The following ADCY2 variants were observed in gnomAD, a reference collection of about 807,000 sequenced individuals.
The protein encoded by ADCY2 is adenylate cyclase 2, also known as adenylate cyclase type 2.
A neutral mutation model predicts 125.2 loss-of-function variants in ADCY2; 31 were observed. The ratio of observed to expected loss-of-function variants is 0.25; its 90% CI spans 0.19 to 0.33. The LOEUF is 0.33. Ranked by LOEUF, ADCY2 falls within the 10% of genes least tolerant of loss-of-function variation. ADCY2 has a pLI of 1.00. For synonymous variants in ADCY2, 512 were observed against 548.4 expected, an observed-to-expected ratio of 0.93 and a Z score of 0.93; for missense variants, 904 against 1,418.2, an observed-to-expected ratio of 0.64 and a Z score of 5.82.
chr5:7,541,676 G>A (rs534263933), intron 3 of ADCY2, among the ~76,000 whole-genome samples: 36 of 152,302 alleles, frequency 2.4e-4, no homozygotes, highest in African/African-American at 8.4e-4. Flanking sequence ...TGAGATCAAA[G>A]GCTTGTTGGG....
intron 2 of ADCY2, among the ~76,000 whole-genome samples, chr5:7,484,047 A>G (rs1742834409): frequency 6.6e-6 from 1 of 152,238 alleles, no homozygotes; most frequent in Non-Finnish European, 1.5e-5. Flanking sequence ...CCAGGTTCCA[A>G]GAAGTTAAAT....
chr5:7,767,191 A>G (rs916124810), intron 17 of ADCY2, among the ~76,000 whole-genome samples: 6 of 152,198 alleles, frequency 3.9e-5, no homozygotes, highest in African/African-American at 1.4e-4. Flanking sequence ...TAAAGCTGTG[A>G]TAAAACTGCC....
intron 18 of ADCY2, among the ~76,000 whole-genome samples, chr5:7,780,925 T>C (rs981611606): frequency 6.6e-6 from 1 of 152,226 alleles, no homozygotes; most frequent in African/African-American, 2.4e-5. Context: ...ATTACTCCAT[T>C]AACAACCTCA....
chr5:7,548,458 C>G (rs1177912415), intron 3 of ADCY2, among the ~76,000 whole-genome samples: 1 of 151,958 alleles, frequency 6.6e-6, no homozygotes, highest in Non-Finnish European at 1.5e-5. Flanking sequence ...ACATAGAAAT[C>G]ATTGTAAGAG....
At chr5:7,692,687 C>G (rs1406248538) in intron 5 of ADCY2, among the ~76,000 whole-genome samples, 1 of 152,162 alleles carries the variant, frequency 6.6e-6, no homozygotes, top group Non-Finnish European at 1.5e-5. Context: ...GTGTACCTGA[C>G]CCCTTGGCCT....
intron 4 of ADCY2, among the ~76,000 whole-genome samples, chr5:7,637,474 G>C (rs147109955): frequency 6.7e-6 from 1 of 150,208 alleles, no homozygotes. Flanking sequence ...AAGAAGAAAG[G>C]CAACTGAGTT....
At chr5:7,606,378 C>G (rs1172675097) in intron 3 of ADCY2, among the ~76,000 whole-genome samples, 1 of 151,966 alleles carries the variant, frequency 6.6e-6, no homozygotes, top group Non-Finnish European at 1.5e-5. Flanking sequence ...GGGCTTATGT[C>G]CAATGGTGAT....
intron 4 of ADCY2, among the ~76,000 whole-genome samples, chr5:7,654,926 G>A (rs1220807030): frequency 6.6e-6 from 1 of 152,156 alleles, no homozygotes; most frequent in Non-Finnish European, 1.5e-5. Flanking sequence ...TTGCCTACTT[G>A]GAGAGTGGCA....
intron 1 of ADCY2, among the ~76,000 whole-genome samples, chr5:7,408,365 G>T (rs1739582034): frequency 6.6e-6 from 1 of 151,982 alleles, no homozygotes; most frequent in Non-Finnish European, 1.5e-5. Context: ...ACATTAGGTG[G>T]CTATTATTAT....
Position 7,520,947 on chromosome 5 carries a change from A to T in ADCY2, c.570+48A>T, listed in dbSNP as rs760305979. 5.6e-6 allele frequency: 9 copies of T among 1,606,118 alleles called. No homozygotes were observed. In the South Asian group the frequency reaches 8.8e-5, roughly 16 times the overall value. On this transcript the variant is annotated intron_variant, in intron 3 of 24. Coordinates refer to ENST00000338316, the MANE Select transcript of ADCY2 (RefSeq NM_020546.3). ...GGAGAATGACTTTCCACATCCCACC[A>T]GGGGGTGAGGCAGGTGCTGCTGGCC...
chr5:7,516,347 A>G (rs1744253398), intron 2 of ADCY2, among the ~76,000 whole-genome samples: 1 of 152,242 alleles, frequency 6.6e-6, no homozygotes, highest in Non-Finnish European at 1.5e-5. Flanking sequence ...TCAGTAAGAC[A>G]TCCCATGAGT....
intron 2 of ADCY2, among the ~76,000 whole-genome samples, chr5:7,513,437 G>T (rs1187277257): frequency 6.6e-6 from 1 of 152,148 alleles, no homozygotes; most frequent in Admixed American, 6.6e-5. Flanking sequence ...TATCGAAAAT[G>T]TTAAAGTACA....
At chr5:7,515,054 C>G (rs1054564300) in intron 2 of ADCY2, among the ~76,000 whole-genome samples, 22 of 152,208 alleles carry the variant, frequency 1.4e-4, no homozygotes, top group African/African-American at 4.8e-4. Context: ...TCTTCCAAGT[C>G]CTATGCTTTC....
At chr5:7,422,273 G>A (rs76857899) in intron 2 of ADCY2, among the ~76,000 whole-genome samples, 3,187 of 151,936 alleles carry the variant, frequency 0.021, 105 homozygotes, top group African/African-American at 0.073. Flanking sequence ...ACTCTTGGCC[G>A]CAAGCAATCT....
chr5:7,763,235 C>A lies in ADCY2; in HGVS notation c.2095-3452C>A, dbSNP rs557670628. Among the ~76,000 whole-genome samples, 3 of 152,062 alleles carry A rather than the reference C, an allele frequency of 2.0e-5. No individual in the cohort carries two copies. The East Asian group carries it at 5.9e-4, about 30-fold the overall frequency. The stretch of plus-strand genomic sequence containing the variant: ...CGTCCCGCGTAGCTGGGACTACAGG[C>A]GCCCGCCACCACGCCCGGCCAATTT... On this transcript the variant is annotated intron_variant, in intron 16 of 24. Transcript: ENST00000338316.
At chr5:7,753,160 G>A (rs1742879138) in intron 15 of ADCY2, among the ~76,000 whole-genome samples, 1 of 152,078 alleles carries the variant, frequency 6.6e-6, no homozygotes, top group Non-Finnish European at 1.5e-5. Context: ...GCCTCCCAAA[G>A]TGCTGGGATT....
At chr5:7,684,735 T>A (rs965329502) in intron 4 of ADCY2, among the ~76,000 whole-genome samples, 1 of 150,310 alleles carries the variant, frequency 6.7e-6, no homozygotes, top group African/African-American at 2.4e-5. Context: ...GACGACCACC[T>A]GGCTTCACTC....
chr5:7,636,850 TC>T (rs1165724053), intron 4 of ADCY2, among the ~76,000 whole-genome samples: 3 of 152,040 alleles, frequency 2.0e-5, no homozygotes, highest in South Asian at 2.1e-4. Context: ...AGTGGAGCAA[TC>T]ATGCTAAAGT....
In ADCY2 at chr5:7,802,908, C is replaced by T. The variant is rs1744644247; in HGVS notation, c.2775+544C>T. Among the ~76,000 whole-genome samples, 1 of 152,142 alleles carries T rather than the reference C, an allele frequency of 6.6e-6. No individual in the cohort carries two copies. The highest frequency in any genetic ancestry group is 2.4e-5 in the African/African-American group (1 of 41,426). On this transcript the variant is annotated intron_variant, in intron 21 of 24. Coordinates refer to ENST00000338316, the MANE Select transcript of ADCY2 (RefSeq NM_020546.3). This position sits in a 1 kb window ranked among gnomAD's most constrained non-coding sequence, Gnocchi z 4.6. ...ATAGAGAATAGTGTGTTCTATTTCC[C>T]AGTAAGAACAAACGCCCCTCTGGTT...
Sources: allele counts gnomAD v4.1 joint callset (sites outside exome capture counted in the v4.1 genomes callset), GRCh38; gene constraint gnomAD v4.1.1; non-coding constraint Gnocchi (gnomAD v3.1); transcripts MANE v1.5; gene names NCBI Gene and HGNC (gene_info 2026-07-23, HGNC 2026-07-21).